Variants in ADGRE2 observed in about 807,000 individuals in gnomAD.
ADGRE2 encodes the protein adhesion G protein-coupled receptor E2.
In ADGRE2, 83 loss-of-function variants were observed where a neutral mutation model predicts 100.8. The observed-to-expected ratio is 0.82, with a 90% CI of 0.69 to 0.99. The LOEUF is 0.99. Among genes scored for constraint, ADGRE2 ranks in the 50% least tolerant of loss-of-function variants. The pLI, the probability that ADGRE2 is intolerant of heterozygous loss-of-function variation, is 0.00. For synonymous variants in ADGRE2, 355 were observed against 413.0 expected, an observed-to-expected ratio of 0.86 and a Z score of 1.70; for missense variants, 814 against 1,035.7, an observed-to-expected ratio of 0.79 and a Z score of 2.94.
chr19:14,754,317 C>A (rs556622989), intron 14 of ADGRE2, among the ~76,000 whole-genome samples: 74 of 147,568 alleles, frequency 5.0e-4, no homozygotes, highest in African/African-American at 1.4e-3. Context: ...AGATCTCTCT[C>A]TATATATCTC....
chr19:14,748,180 T>A (rs2043149831), intron 16 of ADGRE2, among the ~76,000 whole-genome samples: 1 of 152,158 alleles, frequency 6.6e-6, no homozygotes, highest in Non-Finnish European at 1.5e-5. Flanking sequence ...CTTGTTTGTG[T>A]CCATGGGTAC....
Position 14,766,979 on chromosome 19 carries a change from T to C in ADGRE2, c.486A>G (p.Thr162=), listed in dbSNP as rs1018099433. The change falls in exon 6 of 21, where the codon ACA becomes ACG. Residue 162 remains threonine (T), a splice_region_variant and synonymous_variant. Transcript: ENST00000315576. ...ACAGCGTCTTCCTGGGGCCTCTACC[T>C]GTGCAGAGCTTCGGGTCCTCAGGTT... ...KLKPEDPKLC[T]DVNECTSGQN... 7.4e-7 allele frequency: 1 copy of C among 1,345,926 alleles called. No homozygotes were observed. Among genetic ancestry groups the C allele is most frequent in the East Asian group, 2.6e-5 (1 of 38,356 alleles). 83.4% of individuals were successfully genotyped at this position (1,345,926 alleles called of 1,614,324 possible).
At chr19:14,754,886 C>CT in intron 14 of ADGRE2, 68 bp downstream of exon 14, 1 of 1,551,136 alleles carries the variant, frequency 6.4e-7, no homozygotes, top group Non-Finnish European at 8.8e-7. Flanking sequence ...TTTTAAAAGG[C>CT]TGCTACGTCT....
rs2042688484 is a variant in ADGRE2, at chr19:14,732,963, T to G, written c.*3273A>C. The G allele has an allele frequency of 6.6e-6, 1 of 152,224 alleles. No individual in the cohort carries two copies. Among genetic ancestry groups the G allele is most frequent in the South Asian group, 2.1e-4 (1 of 4,830 alleles). 9.4% of individuals were successfully genotyped at this position (152,224 alleles called of 1,614,324 possible). A position where few individuals can be genotyped will look rare whatever the true frequency, so the allele number is the denominator to read the frequency against. On this transcript the variant is annotated 3_prime_UTR_variant, in exon 21 of 21. Coordinates refer to ENST00000315576, the MANE Select transcript of ADGRE2 (RefSeq NM_013447.4). ...TAAGAAAACATTTGGCGACCCCTGCTCTAGGTAGACTCTATGGGGATATGG... is the reference window on the plus strand; with the variant it reads ...TAAGAAAACATTTGGCGACCCCTGCGCTAGGTAGACTCTATGGGGATATGG...
the ADGRE2 span, among the ~76,000 whole-genome samples, chr19:14,724,478 T>G: frequency 1.3e-5 from 2 of 152,200 alleles, no homozygotes; most frequent in Admixed American, 1.3e-4. Context: ...TTAAAAAGTT[T>G]GTTTAAGCCG....
At chr19:14,736,860 G>GATATGTAATATCTATTTAGAAATATAT (rs1407563227) in intron 20 of ADGRE2, among the ~76,000 whole-genome samples, 19 of 122,782 alleles carry the variant, frequency 1.5e-4, no homozygotes, top group Admixed American at 1.3e-3. Flanking sequence ...GAAATATATA[G>GATATGTAATATCTATTTAGAAATATAT]ATATTTAATA....
downstream of ADGRE2, among the ~76,000 whole-genome samples, chr19:14,729,810 C>T (rs1204447632): frequency 6.6e-6 from 1 of 152,168 alleles, no homozygotes. Flanking sequence ...ACGAGGCATA[C>T]ATTAATTTGC....
At chr19:14,749,539 T>TATGTA (rs537691896) in intron 16 of ADGRE2, among the ~76,000 whole-genome samples, 4,079 of 67,094 alleles carry the variant, frequency 0.061, 662 homozygotes, top group African/African-American at 0.21. Context: ...TATTTATGGT[T>TATGTA]ATATAATTAT....
chr19:14,759,540 A>G (rs2043635367), intron 11 of ADGRE2, among the ~76,000 whole-genome samples: 1 of 145,772 alleles, frequency 6.9e-6, no homozygotes, highest in African/African-American at 2.7e-5. Flanking sequence ...TCTGTCACCC[A>G]GGCTGGAGTG....
At position 14,771,982 on chromosome 19, in the gene ADGRE2, G is replaced by A. The variant is rs575257908; in HGVS notation, c.355+360C>T. On this transcript the variant is annotated intron_variant, in intron 5 of 20. Transcript: ENST00000315576. ...TGCTGTGTGCTGGGCTCTGTTAGAA[G>A]CACCTATTCTTTCCTTGGTCCTCCT... The A allele has an allele frequency of 1.5e-5, 4 of 274,178 alleles. No individual in the cohort carries two copies. In the East Asian group the frequency reaches 3.3e-4, roughly 22 times the overall value. 17.0% of individuals were successfully genotyped at this position (274,178 alleles called of 1,614,324 possible).
intron 6 of ADGRE2, 56 bp from the exon 7 acceptor site, chr19:14,766,437 C>G: frequency 1.3e-6 from 2 of 1,507,562 alleles, no homozygotes; most frequent in Admixed American, 2.0e-5. Context: ...GGCCTGCCCT[C>G]CACTCACTGC....
chr19:14,755,224 A>G, intron 13 of ADGRE2, 97 bp from the exon 14 acceptor site: 1 of 1,229,806 alleles, frequency 8.1e-7, no homozygotes, highest in Non-Finnish European at 1.1e-6. Context: ...ACTTGAGGTC[A>G]GGAGTTTGAG....
Position 14,755,017 on chromosome 19 carries a change from G to A in ADGRE2, c.1527C>T (p.Ser509=). Residue 509 remains serine (S), a synonymous_variant, in exon 14 of 21, where the codon AGC becomes AGT. Transcript: ENST00000315576. ...GCSTIGTRDT[S]TICRCTHLSS... ...TCAGGTGGGTGCAACGGCAGATGGT[G>A]CTGGTGTCTCTGGTGCCTATTGTGC... 1 of 1,614,174 alleles carries A rather than the reference G, an allele frequency of 6.2e-7. No individual in the cohort carries two copies. Among genetic ancestry groups the A allele is most frequent in the Non-Finnish European group, 8.5e-7 (1 of 1,180,040 alleles).
chr19:14,729,018 G>C (rs769986670), downstream of ADGRE2, among the ~76,000 whole-genome samples: 7 of 152,178 alleles, frequency 4.6e-5, no homozygotes, highest in Non-Finnish European at 8.8e-5. Context: ...GGGACGTGCA[G>C]TTTTGAAGGG....
intron 11 of ADGRE2, among the ~76,000 whole-genome samples, chr19:14,759,503 AT>A (rs368205522): frequency 1.0e-3 from 133 of 133,350 alleles, no homozygotes; most frequent in Non-Finnish European, 1.7e-3. Context: ...ATATATATAT[AT>A]TTTTTTTTTT....
At chr19:14,770,588 C>A (rs1454546510) in intron 5 of ADGRE2, among the ~76,000 whole-genome samples, 1 of 151,934 alleles carries the variant, frequency 6.6e-6, no homozygotes, top group Non-Finnish European at 1.5e-5. Context: ...CTGAAAACCT[C>A]TCCATTCCCC....
intron 15 of ADGRE2, 34 bp from the exon 16 acceptor site, chr19:14,751,705 A>G (rs3752189): frequency 0.31 from 485,889 of 1,544,608 alleles, 83,696 homozygotes; most frequent in African/African-American, 0.59. Flanking sequence ...CAGAGCGGCG[A>G]TCAGATTTGA....
rs747795210 is a variant in ADGRE2, at chr19:14,743,709, A to G, written c.2259T>C (p.Gly753=). 5.6e-6 allele frequency: 9 copies of G among 1,614,024 alleles called. No homozygotes were observed. Among genetic ancestry groups the G allele is most frequent in the Middle Eastern group, 1.6e-4 (1 of 6,084 alleles). Reference sequence around the variant, plus strand: ...GGTAGGCCATGACCCGGGCAGCCGGACCCACCTGCAAGATGCCCAGACACC... The same window carrying G: ...GGTAGGCCATGACCCGGGCAGCCGGGCCCACCTGCAAGATGCCCAGACACC... ...CTWCLGILQV[G]PAARVMAYLF... The change falls in exon 19 of 21, where the codon GGT becomes GGC. Residue 753 remains glycine, a synonymous_variant. Coordinates refer to ENST00000315576, the MANE Select transcript of ADGRE2 (RefSeq NM_013447.4).
intron 20 of ADGRE2, 67 bp from the exon 21 acceptor site, chr19:14,736,311 G>A: frequency 9.3e-7 from 1 of 1,074,654 alleles, no homozygotes; most frequent in Non-Finnish European, 1.4e-6. Flanking sequence ...GCCTGGGCTG[G>A]AGTGCAATGG....
Sources: gnomAD v4.1 joint callset for allele counts (sites outside exome capture counted in the v4.1 genomes callset) on GRCh38, gnomAD v4.1.1 for gene constraint, MANE v1.5 for transcripts, NCBI Gene and HGNC (gene_info 2026-07-23, HGNC 2026-07-21) for gene names.